PAK5: variants seen among roughly 807,000 people sequenced by gnomAD.
PAK5 encodes serine/threonine-protein kinase PAK 5.
PAK5 carries 16 observed loss-of-function variants against 65.9 expected under a neutral mutation model. That is an observed-to-expected ratio of 0.24 (90% CI 0.16 to 0.37). The LOEUF is 0.37. Ranked by LOEUF, PAK5 falls within the 10% of genes least tolerant of loss-of-function variation. PAK5 has a pLI of 1.00. For synonymous variants in PAK5, 371 were observed against 354.9 expected (o/e 1.05, Z -0.51); for missense variants, 785 against 903.9 (o/e 0.87, Z 1.69).
intron 2 of PAK5, among the ~76,000 whole-genome samples, chr20:9,688,118 T>C (rs775954544): frequency 7.2e-5 from 11 of 151,838 alleles, no homozygotes; most frequent in Non-Finnish European, 1.0e-4. Flanking sequence ...ACGGAAATAG[T>C]CTAAAACTGG....
intron 3 of PAK5, among the ~76,000 whole-genome samples, chr20:9,641,276 T>C (rs1204157041): frequency 1.3e-5 from 2 of 150,650 alleles, no homozygotes; most frequent in Admixed American, 6.6e-5. Flanking sequence ...TTGAGCTAGA[T>C]ACAGAGTGCC....
chr20:9,725,061 T>A (rs180964423), intron 1 of PAK5, among the ~76,000 whole-genome samples: 3 of 152,074 alleles, frequency 2.0e-5, no homozygotes, highest in East Asian at 1.9e-4. Flanking sequence ...ATTTAAAAAA[T>A]TTTTAAAATA....
intron 1 of PAK5, among the ~76,000 whole-genome samples, chr20:9,724,074 CAGA>C (rs2123529461): frequency 6.6e-6 from 1 of 152,196 alleles, no homozygotes; most frequent in Admixed American, 6.5e-5. Context: ...ACAAATGTAG[CAGA>C]AAATTTGTAA....
At chr20:9,608,002 A>C (rs1482778875) in intron 3 of PAK5, among the ~76,000 whole-genome samples, 1 of 152,190 alleles carries the variant, frequency 6.6e-6, no homozygotes, top group Non-Finnish European at 1.5e-5. Flanking sequence ...AGGTGCTAGC[A>C]GGAACAGTGT....
At chr20:9,623,043 T>G (rs112236820) in intron 3 of PAK5, among the ~76,000 whole-genome samples, 364 of 152,346 alleles carry the variant, frequency 2.4e-3, no homozygotes, top group African/African-American at 8.0e-3. Flanking sequence ...TAGTGCTGTA[T>G]GTATAAAATG....
At chr20:9,630,611 C>A (rs6056765) in intron 3 of PAK5, among the ~76,000 whole-genome samples, 8,312 of 152,266 alleles carry the variant, frequency 0.055, 772 homozygotes, top group African/African-American at 0.19. Context: ...ATAAAGGAGG[C>A]TTTCAGACCC....
intron 8 of PAK5, 53 bp from the exon 9 acceptor site, chr20:9,542,773 T>A (rs73241739): frequency 1.9e-6 from 3 of 1,547,752 alleles, no homozygotes; most frequent in Admixed American, 3.4e-5. Flanking sequence ...TTCTGAAATG[T>A]CAAGTGTGTC....
Position 9,769,979 on chromosome 20 carries a change from G to C in PAK5, c.-161-58544C>G, listed in dbSNP as rs571403762. Among the ~76,000 whole-genome samples, 7 of 152,306 alleles carry C rather than the reference G, an allele frequency of 4.6e-5. No individual in the cohort carries two copies. In the East Asian group the frequency reaches 1.3e-3, roughly 29 times the overall value. ...AGAAATGTGAGAATAATTCTTTTGA[G>C]GAGTTTTTTCTAAAGGGCAGTAGAA... On this transcript the variant is annotated intron_variant, in intron 1 of 9. Transcript: ENST00000353224.
At position 9,627,629 on chromosome 20, in the gene PAK5, T is replaced by C. The variant is rs547142055; in HGVS notation, c.204+16496A>G. On this transcript the variant is annotated intron_variant, in intron 3 of 9. Coordinates refer to ENST00000353224, the MANE Select transcript of PAK5 (RefSeq NM_177990.4). The stretch of plus-strand genomic sequence containing the variant: ...CATTCAATGTTTTTTCTTTTCCTTT[T>C]CTTTTCTTTTTTTTTTAAATGGAGT... Among the ~76,000 whole-genome samples, 211 of 152,202 alleles carry C rather than the reference T, an allele frequency of 1.4e-3. 2 individuals carry two copies. The highest frequency in any genetic ancestry group is 3.4e-3 in the Middle Eastern group (1 of 294).
intron 1 of PAK5, among the ~76,000 whole-genome samples, chr20:9,785,154 A>T (rs574847430): frequency 6.6e-6 from 1 of 152,270 alleles, no homozygotes; most frequent in African/African-American, 2.4e-5. Context: ...GCCTATGCTC[A>T]TCGTAAGAAT....
intron 2 of PAK5, among the ~76,000 whole-genome samples, chr20:9,699,572 T>C (rs912154950): frequency 9.4e-6 from 1 of 106,032 alleles, no homozygotes; most frequent in Admixed American, 9.2e-5. Context: ...TTTTTTTTTT[T>C]TAATTTTATT....
intron 3 of PAK5, among the ~76,000 whole-genome samples, chr20:9,596,628 T>C (rs2046272626): frequency 1.0e-5 from 1 of 96,534 alleles, no homozygotes; most frequent in Non-Finnish European, 1.8e-5. Context: ...AGAGCGAGAC[T>C]CCGTCTCAAA....
chr20:9,558,043 T>TATTTATTTATTTATTCATTCATTCATTC (rs55861453), intron 6 of PAK5, among the ~76,000 whole-genome samples: 11 of 138,870 alleles, frequency 7.9e-5, no homozygotes, highest in African/African-American at 3.2e-4. Context: ...TTTATTTATT[T>TATTTATTTATTTATTCATTCATTCATTC]ATTCATTCAT....
At chr20:9,627,834 C>T (rs192716354) in intron 3 of PAK5, among the ~76,000 whole-genome samples, 1 of 151,998 alleles carries the variant, frequency 6.6e-6, no homozygotes, top group Admixed American at 6.6e-5. Flanking sequence ...ACCATGTTGG[C>T]CAGGCTGGTC....
At chr20:9,667,915 TAAG>T (rs2047441586) in intron 2 of PAK5, among the ~76,000 whole-genome samples, 1 of 152,182 alleles carries the variant, frequency 6.6e-6, no homozygotes, top group Non-Finnish European at 1.5e-5. Context: ...TAAAATCACT[TAAG>T]TAATAGTAGC....
chr20:9,634,581 G>A (rs1007168252), intron 3 of PAK5, among the ~76,000 whole-genome samples: 1 of 152,180 alleles, frequency 6.6e-6, no homozygotes, highest in African/African-American at 2.4e-5. Flanking sequence ...GGGAAAGATG[G>A]TGTGTTGACA....
chr20:9,788,094 T>C (rs1483039408), intron 1 of PAK5, among the ~76,000 whole-genome samples: 1 of 151,898 alleles, frequency 6.6e-6, no homozygotes, highest in Non-Finnish European at 1.5e-5. Context: ...CAGAAACAAA[T>C]TAAAGAAAGC....
intron 2 of PAK5, among the ~76,000 whole-genome samples, chr20:9,704,896 A>G (rs548313288): frequency 5.1e-4 from 78 of 152,144 alleles, no homozygotes; most frequent in Admixed American, 8.5e-4. Flanking sequence ...AGAGAGAGAG[A>G]TCGTCAGAGA....
At chr20:9,570,893 T>C (rs1374011143) in intron 4 of PAK5, among the ~76,000 whole-genome samples, 1 of 152,198 alleles carries the variant, frequency 6.6e-6, no homozygotes, top group African/African-American at 2.4e-5. Flanking sequence ...ATTATCAGAA[T>C]CCACCCTTAA....
Sources: gnomAD v4.1 joint callset for allele counts (sites outside exome capture counted in the v4.1 genomes callset) on GRCh38, gnomAD v4.1.1 for gene constraint, MANE v1.5 for transcripts, NCBI Gene and HGNC (gene_info 2026-07-23, HGNC 2026-07-21) for gene names.